KCNIP4: variants seen among roughly 807,000 people sequenced by gnomAD.
KCNIP4 encodes potassium voltage-gated channel interacting protein 4.
KCNIP4 carries 12 observed loss-of-function variants against 34.0 expected under a neutral mutation model. The ratio of observed to expected loss-of-function variants is 0.35; its 90% confidence interval spans 0.23 to 0.57. The LOEUF (loss-of-function observed/expected upper bound fraction) is 0.57, where lower values mean the gene tolerates loss of function less well. KCNIP4 is among the 20% of genes least tolerant of loss of function. KCNIP4 has a pLI of 0.83. For synonymous variants in KCNIP4, 124 were observed against 102.2 expected (o/e 1.21, Z -1.29); for missense variants, 238 against 311.7 (o/e 0.76, Z 1.78).
chr4:21,159,707 C>T (rs1281285292), intron 1 of KCNIP4, among the ~76,000 whole-genome samples: 7 of 8,622 alleles, frequency 8.1e-4, no homozygotes, highest in African/African-American at 7.1e-3. Context: ...GCTTAAGAAA[C>T]GGCGCACCAC....
rs562926367 is a variant in KCNIP4 at position 20,901,249 on chromosome 4, G to A, written c.62-18540C>T. On this transcript the variant is annotated intron_variant, in intron 1 of 8. Coordinates refer to ENST00000382152, the MANE Select transcript of KCNIP4 (RefSeq NM_025221.6). Reference sequence around the variant, plus strand: ...ACAGAAAATGTTAAAGCTCAATCGCGTTTAGTTGAAACTCCTTTCTTCAGT... The same window carrying A: ...ACAGAAAATGTTAAAGCTCAATCGCATTTAGTTGAAACTCCTTTCTTCAGT... Among the ~76,000 whole-genome samples the A allele has an allele frequency of 9.8e-5, 15 of 152,314 alleles. No individual in the cohort carries two copies. In the East Asian group the frequency reaches 1.7e-3, roughly 18 times the overall value.
At chr4:21,217,445 A>G (rs1757671077) in intron 1 of KCNIP4, among the ~76,000 whole-genome samples, 1 of 152,198 alleles carries the variant, frequency 6.6e-6, no homozygotes, top group Non-Finnish European at 1.5e-5. Flanking sequence ...GTCAGAAAGC[A>G]TTTGACCTTG....
At chr4:21,219,735 T>A (rs192883686) in intron 1 of KCNIP4, among the ~76,000 whole-genome samples, 2 of 152,208 alleles carry the variant, frequency 1.3e-5, no homozygotes, top group African/African-American at 2.4e-5. Flanking sequence ...GGAAGGTGTT[T>A]GGTGGAGTTG....
chr4:21,099,347 C>T (rs1225013403), intron 1 of KCNIP4, among the ~76,000 whole-genome samples: 1 of 152,116 alleles, frequency 6.6e-6, no homozygotes, highest in African/African-American at 2.4e-5. Context: ...TTATCCTCAG[C>T]AAACTAATGC....
chr4:21,627,023 T>TA (rs1338474719), intron 1 of KCNIP4, among the ~76,000 whole-genome samples: 4 of 152,186 alleles, frequency 2.6e-5, no homozygotes, highest in Non-Finnish European at 4.4e-5. Flanking sequence ...TATTGCCTCT[T>TA]AAATGTTGTT....
chr4:21,550,128 G>C (rs1005062087), intron 1 of KCNIP4, among the ~76,000 whole-genome samples: 4 of 152,110 alleles, frequency 2.6e-5, no homozygotes, highest in Non-Finnish European at 5.9e-5. Context: ...CTGCAAGGAA[G>C]AGAAGGCTGC....
intron 1 of KCNIP4, among the ~76,000 whole-genome samples, chr4:21,717,473 T>C (rs550674914): frequency 6.6e-6 from 1 of 152,316 alleles, no homozygotes; most frequent in Admixed American, 6.5e-5. Flanking sequence ...TTGAGCATTT[T>C]ATAACCCTCA....
intron 1 of KCNIP4, among the ~76,000 whole-genome samples, chr4:21,126,703 G>T (rs1408288856): frequency 1.3e-5 from 2 of 151,764 alleles, no homozygotes; most frequent in Non-Finnish European, 2.9e-5. Context: ...TTTCTGGAAG[G>T]GATCAAGTTC....
rs188044555 is a variant in KCNIP4 at position 21,040,931 on chromosome 4, T to C, written c.62-158222A>G. Reference sequence around the variant, plus strand: ...AACTGTCTTCATGTGATAAGTGCATTTTTTTGACTTAATGAAACAGAGTAA... The same window carrying C: ...AACTGTCTTCATGTGATAAGTGCATCTTTTTGACTTAATGAAACAGAGTAA... On this transcript the variant is annotated intron_variant, in intron 1 of 8. Transcript: ENST00000382152. Among the ~76,000 whole-genome samples, 160 of 143,770 alleles carry C rather than the reference T, an allele frequency of 1.1e-3. 1 individual carries two copies. Among genetic ancestry groups the C allele is most frequent in the African/African-American group, 3.8e-3 (145 of 38,204 alleles). 94.3% of individuals were successfully genotyped at this position (143,770 alleles called of 152,430 possible). A position where few individuals can be genotyped will look rare whatever the true frequency, so the allele number is the denominator to read the frequency against.
intron 1 of KCNIP4, among the ~76,000 whole-genome samples, chr4:21,103,527 A>T (rs550184425): frequency 1.3e-5 from 2 of 151,202 alleles, no homozygotes; most frequent in African/African-American, 4.8e-5. Context: ...CTTTATTCAA[A>T]TATACTTCCC....
chr4:21,690,181 G>A lies in KCNIP4; in HGVS notation c.61+258390C>T, dbSNP rs191892119. ...CACATACGTAAATATACACATCAACGATGATCTCTGTCATGGTCAGTTGGA... is the reference window on the plus strand; with the variant it reads ...CACATACGTAAATATACACATCAACAATGATCTCTGTCATGGTCAGTTGGA... On this transcript the variant is annotated intron_variant, in intron 1 of 8. Transcript: ENST00000382152. Among the ~76,000 whole-genome samples, 27 of 148,564 alleles carry A rather than the reference G, an allele frequency of 1.8e-4. No homozygotes were observed. The East Asian group carries it at 2.0e-3, about 11-fold the overall frequency.
At chr4:20,731,305 C>CTTAAG (rs893170325) in intron 8 of KCNIP4, 12 of 784,580 alleles carry the variant, frequency 1.5e-5, no homozygotes, top group Admixed American at 6.3e-5. Flanking sequence ...AAATCCTGGC[C>CTTAAG]TTAAGTTATC....
At chr4:20,923,481 A>G (rs1239680636) in intron 1 of KCNIP4, among the ~76,000 whole-genome samples, 1 of 152,152 alleles carries the variant, frequency 6.6e-6, no homozygotes, top group Admixed American at 6.5e-5. Flanking sequence ...GTACTCACCT[A>G]TATAGATGCA....
chr4:21,191,182 G>A (rs560341374), intron 1 of KCNIP4, among the ~76,000 whole-genome samples: 1 of 152,308 alleles, frequency 6.6e-6, no homozygotes, highest in African/African-American at 2.4e-5. Context: ...TTGATAGCAT[G>A]CACAAAACAA....
intron 1 of KCNIP4, among the ~76,000 whole-genome samples, chr4:21,570,074 C>G (rs1394897943): frequency 6.6e-6 from 1 of 152,040 alleles, no homozygotes; most frequent in Non-Finnish European, 1.5e-5. Context: ...AGAGGGAGAC[C>G]CAACCTGGAA....
chr4:20,983,317 C>A (rs1245737766), intron 1 of KCNIP4, among the ~76,000 whole-genome samples: 1 of 152,106 alleles, frequency 6.6e-6, no homozygotes, highest in African/African-American at 2.4e-5. Context: ...TGCTGAGCAC[C>A]CATTAACTCA....
chr4:21,460,486 T>C (rs927854141), intron 1 of KCNIP4, among the ~76,000 whole-genome samples: 1 of 152,098 alleles, frequency 6.6e-6, no homozygotes, highest in African/African-American at 2.4e-5. Flanking sequence ...CTCATAGTTC[T>C]GGATGTTGGG....
At chr4:21,671,622 T>C (rs1286907844) in intron 1 of KCNIP4, among the ~76,000 whole-genome samples, 2 of 152,216 alleles carry the variant, frequency 1.3e-5, no homozygotes, top group Non-Finnish European at 2.9e-5. Context: ...ATCATTTTCC[T>C]CTTGCTGTTA....
intron 1 of KCNIP4, among the ~76,000 whole-genome samples, chr4:21,206,667 T>A (rs1272638681): frequency 6.6e-6 from 1 of 152,194 alleles, no homozygotes; most frequent in Non-Finnish European, 1.5e-5. Flanking sequence ...GTTGCTTTAT[T>A]GTTTTAACAA....
Sources: allele counts gnomAD v4.1 joint callset (sites outside exome capture counted in the v4.1 genomes callset), GRCh38; gene constraint gnomAD v4.1.1; transcripts MANE v1.5; gene names NCBI Gene and HGNC (gene_info 2026-07-23, HGNC 2026-07-21).